The following VAT1L variants were observed in gnomAD, a reference collection of about 807,000 sequenced individuals.
VAT1L encodes the protein putative NADPH-dependent quinone oxidoreductase VAT1L.
Under a neutral mutation model 44.1 loss-of-function variants are expected in VAT1L, and 34 were observed. That is an observed-to-expected ratio of 0.77 (90% CI 0.59 to 1.03). The LOEUF is 1.03. Among genes scored for constraint, VAT1L ranks in the 50% least tolerant of loss-of-function variants. The probability of loss-of-function intolerance (pLI) is 0.00; values close to 1 mark genes in which losing one functional copy is unlikely to be tolerated. For synonymous variants in VAT1L, 253 were observed against 202.2 expected (o/e 1.25, Z -2.13); for missense variants, 615 against 538.8 (o/e 1.14, Z -1.40).
chr16:77,823,246 T>TACA (rs2016481159), intron 2 of VAT1L, among the ~76,000 whole-genome samples: 1 of 152,096 alleles, frequency 6.6e-6, no homozygotes, highest in Non-Finnish European at 1.5e-5. Context: ...TGAACTCTGT[T>TACA]ATCTTTGGAC....
intron 2 of VAT1L, among the ~76,000 whole-genome samples, chr16:77,823,821 C>T (rs547628346): frequency 6.6e-6 from 1 of 152,194 alleles, no homozygotes; most frequent in East Asian, 1.9e-4. Flanking sequence ...AGTTCACAAC[C>T]AGCCTAACAT....
At chr16:77,830,052 G>A (rs1238724953) in intron 3 of VAT1L, among the ~76,000 whole-genome samples, 1 of 152,024 alleles carries the variant, frequency 6.6e-6, no homozygotes, top group Non-Finnish European at 1.5e-5. Flanking sequence ...CCAGCCCCTC[G>A]AGGAACATGA....
intron 3 of VAT1L, among the ~76,000 whole-genome samples, chr16:77,860,298 C>T (rs986538528): frequency 8.5e-5 from 13 of 152,100 alleles, no homozygotes; most frequent in African/African-American, 3.1e-4. Flanking sequence ...GAGATGGCCA[C>T]GAGTTAGGTT....
chr16:77,788,977 T>C, intron 1 of VAT1L, 62 bp downstream of exon 1: 17 of 1,388,274 alleles, frequency 1.2e-5, no homozygotes, highest in Non-Finnish European at 1.6e-5. Flanking sequence ...GGGGAGGGGG[T>C]GGGAAAGCTG....
intron 1 of VAT1L, among the ~76,000 whole-genome samples, chr16:77,797,934 G>C (rs1309269542): frequency 6.6e-6 from 1 of 152,150 alleles, no homozygotes; most frequent in Non-Finnish European, 1.5e-5. Flanking sequence ...GAAAATGAGT[G>C]AATTTTATGT....
intron 7 of VAT1L, among the ~76,000 whole-genome samples, chr16:77,962,473 G>A (rs1183183378): frequency 3.3e-5 from 5 of 152,074 alleles, no homozygotes; most frequent in Admixed American, 3.3e-4. Flanking sequence ...TGGGGCCCAG[G>A]TCTCAGAGTA....
intron 7 of VAT1L, among the ~76,000 whole-genome samples, chr16:77,895,814 G>T (rs773507398): frequency 6.6e-6 from 1 of 152,258 alleles, no homozygotes; most frequent in African/African-American, 2.4e-5. Flanking sequence ...GCCAGGCTTT[G>T]CAAACACAGT....
At chr16:77,898,791 G>A (rs1077876) in intron 7 of VAT1L, among the ~76,000 whole-genome samples, 26,154 of 152,080 alleles carry the variant, frequency 0.17, 2,659 homozygotes, top group South Asian at 0.24. Flanking sequence ...CCCTTTCCTC[G>A]TGCTTGTACT....
In VAT1L at chr16:77,919,275, T is replaced by G. The variant is rs1320036778; in HGVS notation, c.1077+34473T>G. The stretch of plus-strand genomic sequence containing the variant: ...CTTCCTGATTTGCAAACCAGACCGG[T>G]GCCTTTCATTGACAGGTGTTGTGCC... On this transcript the variant is annotated intron_variant, in intron 7 of 8. Transcript: ENST00000302536. 2.0e-5 allele frequency among the ~76,000 whole-genome samples: 3 copies of G among 152,200 alleles called. 1 individual carries two copies. Among genetic ancestry groups the G allele is most frequent in the Admixed American group, 2.0e-4 (3 of 15,278 alleles).
At chr16:77,847,688 C>T (rs1391747021) in intron 3 of VAT1L, among the ~76,000 whole-genome samples, 2 of 152,176 alleles carry the variant, frequency 1.3e-5, no homozygotes, top group African/African-American at 4.8e-5. Flanking sequence ...AGGGCCAGGT[C>T]AGACCACTAA....
intron 1 of VAT1L, among the ~76,000 whole-genome samples, chr16:77,794,184 G>C (rs73574821): frequency 0.018 from 2,776 of 152,210 alleles, 69 homozygotes; most frequent in African/African-American, 0.063. Flanking sequence ...GACACAGAGA[G>C]GCAGACGGGC....
intron 1 of VAT1L, among the ~76,000 whole-genome samples, chr16:77,802,085 T>C (rs559401388): frequency 2.0e-5 from 3 of 152,276 alleles, no homozygotes; most frequent in Non-Finnish European, 4.4e-5. Flanking sequence ...AGGAAATGAA[T>C]GGCAAAGGCA....
intron 1 of VAT1L, among the ~76,000 whole-genome samples, chr16:77,794,260 G>A (rs1434284987): frequency 6.6e-6 from 1 of 152,178 alleles, no homozygotes; most frequent in African/African-American, 2.4e-5. Flanking sequence ...CAACTGCTAA[G>A]ATTCAAAATT....
chr16:77,857,712 T>C (rs973373317), intron 3 of VAT1L, among the ~76,000 whole-genome samples: 1 of 150,318 alleles, frequency 6.7e-6, no homozygotes, highest in African/African-American at 2.4e-5. Flanking sequence ...CATGGCTATA[T>C]ATATTAATTG....
At chr16:77,791,114 T>C (rs936588331) in intron 1 of VAT1L, among the ~76,000 whole-genome samples, 1 of 152,198 alleles carries the variant, frequency 6.6e-6, no homozygotes, top group South Asian at 2.1e-4. Context: ...AATAGGCTTG[T>C]AAATGGCCCA....
chr16:77,902,972 GAAAAAAAAAA>G (rs11307214), intron 7 of VAT1L, among the ~76,000 whole-genome samples: 5 of 96,394 alleles, frequency 5.2e-5, no homozygotes, highest in Admixed American at 1.1e-4. Flanking sequence ...GACTCTGTCT[GAAAAAAAAAA>G]AAAAAAAAGA....
At chr16:77,880,573 C>G (rs373879027) in intron 6 of VAT1L, among the ~76,000 whole-genome samples, 1 of 121,472 alleles carries the variant, frequency 8.2e-6, no homozygotes, top group African/African-American at 3.2e-5. Flanking sequence ...TTTTTTTTTT[C>G]TTCGCACGTT....
chr16:77,858,757 G>A (rs962546146), intron 3 of VAT1L, among the ~76,000 whole-genome samples: 10 of 152,036 alleles, frequency 6.6e-5, no homozygotes, highest in Non-Finnish European at 1.3e-4. Context: ...AATCCTAGTG[G>A]TTTGGGAAGC....
intron 1 of VAT1L, among the ~76,000 whole-genome samples, chr16:77,814,967 T>G (rs1016250660): frequency 6.6e-6 from 1 of 152,232 alleles, no homozygotes; most frequent in African/African-American, 2.4e-5. Context: ...CAGTGCTTTA[T>G]GTGCATTAAT....
Sources: allele counts gnomAD v4.1 joint callset (sites outside exome capture counted in the v4.1 genomes callset), GRCh38; gene constraint gnomAD v4.1.1; transcripts MANE v1.5; gene names NCBI Gene and HGNC (gene_info 2026-07-23, HGNC 2026-07-21).